The following NMB variants were observed in gnomAD, a reference collection of about 807,000 sequenced individuals.
NMB encodes neuromedin B, also known as neuromedin-B.
In NMB, 12 loss-of-function variants were observed where a neutral mutation model predicts 11.7. That is an observed-to-expected ratio of 1.03 (90% CI 0.66 to 1.66). The LOEUF is 1.66. Ranked by LOEUF, NMB falls within the 40% of genes most tolerant of loss-of-function variation. The pLI is 0.00. For synonymous variants in NMB, 76 were observed against 72.6 expected, an observed-to-expected ratio of 1.05 and a Z score of -0.24; for missense variants, 174 against 157.9, an observed-to-expected ratio of 1.10 and a Z score of -0.55.
chr15:84,657,364 C>G lies in NMB; in HGVS notation c.158-16G>C, dbSNP rs1415831386. The G allele has an allele frequency of 1.4e-6, 2 of 1,472,110 alleles. No homozygotes were observed. The highest frequency in any genetic ancestry group is 1.8e-6 in the Non-Finnish European group (2 of 1,110,578). 91.2% of individuals were successfully genotyped at this position (1,472,110 alleles called of 1,614,324 possible). Reference sequence around the variant, plus strand: ...ATGAAGTGACCTGGAAAGGAGGTGTCCAGGCACAAGGAAGTCAAGCAGCCA... The same window carrying G: ...ATGAAGTGACCTGGAAAGGAGGTGTGCAGGCACAAGGAAGTCAAGCAGCCA... On this transcript the variant is annotated splice_polypyrimidine_tract_variant and intron_variant, in intron 1 of 2. Coordinates refer to ENST00000360476, the MANE Select transcript of NMB (RefSeq NM_021077.4).
intron 2 of NMB, among the ~76,000 whole-genome samples, chr15:84,656,206 T>C (rs959577758): frequency 6.6e-6 from 1 of 152,108 alleles, no homozygotes; most frequent in African/African-American, 2.4e-5. Flanking sequence ...GTCATACAGC[T>C]ACTAAGTAGC....
In NMB at chr15:84,657,306, G is replaced by A. The variant is rs1046071729; in HGVS notation, c.200C>T (p.Ser67Phe). Reference protein sequence around the residue: ...GKKSLEPSSPSPLGTAPHTSL... With the variant: ...GKKSLEPSSPFPLGTAPHTSL... ...GGTGTGGGGAGCTGTCCCCAATGGG[G>A]ATGGGCTGGAAGGCTCCAGACTCTT... The change falls in exon 2 of 3, where the codon TCC becomes TTC. Residue 67 changes from serine to phenylalanine, a missense_variant. This residue lies in a region of NMB where 168 missense variants were observed against 138.4 expected (regional missense o/e 1.21). Coordinates refer to ENST00000360476, the MANE Select transcript of NMB (RefSeq NM_021077.4). 5 of 1,585,688 alleles carry A rather than the reference G, an allele frequency of 3.2e-6. No homozygotes were observed. Among genetic ancestry groups the A allele is most frequent in the East Asian group, 2.3e-5 (1 of 43,496 alleles).
chr15:84,656,851 G>T (rs768928513), intron 2 of NMB, among the ~76,000 whole-genome samples: 1 of 151,900 alleles, frequency 6.6e-6, no homozygotes, highest in Non-Finnish European at 1.5e-5. Context: ...TGTGTAGACT[G>T]GGGGAGAAAG....
intron 2 of NMB, 152 bp downstream of exon 2, chr15:84,657,024 C>T (rs1896790927): frequency 1.5e-6 from 1 of 666,170 alleles, no homozygotes; most frequent in Non-Finnish European, 2.3e-6. Context: ...GAGGGAAAAG[C>T]CTGGAAACCT....
intron 2 of NMB, 63 bp downstream of exon 2, chr15:84,657,113 A>T: frequency 6.7e-7 from 1 of 1,492,688 alleles, no homozygotes; most frequent in Admixed American, 2.1e-5. Flanking sequence ...AATTCCTCCC[A>T]TGCAGGATCC....
rs771981112 is a variant in NMB, at chr15:84,657,296, C to A, written c.210G>T (p.Gly70=). ...SLEPSSPSPL[G]TAPHTSLRDQ... Reference sequence around the variant, plus strand: ...CCCTCAGGGAGGTGTGGGGAGCTGTCCCCAATGGGGATGGGCTGGAAGGCT... The same window carrying A: ...CCCTCAGGGAGGTGTGGGGAGCTGTACCCAATGGGGATGGGCTGGAAGGCT... Residue 70 remains glycine (G), a synonymous_variant, in exon 2 of 3, where the codon GGG becomes GGT. Coordinates refer to ENST00000360476, the MANE Select transcript of NMB (RefSeq NM_021077.4). 3 of 1,594,134 alleles carry A rather than the reference C, an allele frequency of 1.9e-6. No individual in the cohort carries two copies. Among genetic ancestry groups the A allele is most frequent in the African/African-American group, 2.7e-5 (2 of 74,450 alleles).
Position 84,657,101 on chromosome 15 carries a change from G to A in NMB, c.330+75C>T, listed in dbSNP as rs2141853063. On this transcript the variant is annotated intron_variant, in intron 2 of 2. Transcript: ENST00000360476. ...TCACACCCTAATACAGTACTGGGTG[G>A]TAATTCCTCCCATGCAGGATCCGGG... The A allele has an allele frequency of 2.2e-6, 3 of 1,392,062 alleles. 1 individual carries two copies. The South Asian group carries it at 3.8e-5, about 18-fold the overall frequency. The allele number at this position is 1,392,062 out of a possible 1,614,324, so 86.2% of individuals were successfully genotyped here.
In NMB at chr15:84,655,368, T is replaced by C. The variant is rs201410488; in HGVS notation, c.*6A>G. ...CCACGCTGTTGTGTCTGCCCCATTA[T>C]TGGTGTCATTTCTGCAGTATTTGTA... On this transcript the variant is annotated 3_prime_UTR_variant, in exon 3 of 3. Coordinates refer to ENST00000360476, the MANE Select transcript of NMB (RefSeq NM_021077.4). 174 of 1,614,226 alleles carry C rather than the reference T, an allele frequency of 1.1e-4. 1 individual carries two copies. In the East Asian group the frequency reaches 2.4e-3, roughly 22 times the overall value.
At chr15:84,656,089 G>T (rs539764712) in intron 2 of NMB, among the ~76,000 whole-genome samples, 17 of 152,310 alleles carry the variant, frequency 1.1e-4, no homozygotes, top group Admixed American at 1.0e-3. Context: ...GCACCATGCT[G>T]AGCATTTGAC....
chr15:84,657,094 C>T lies in NMB; in HGVS notation c.330+82G>A, dbSNP rs1896791804. 9.2e-6 allele frequency: 12 copies of T among 1,305,398 alleles called. No homozygotes were observed. In the South Asian group the frequency reaches 1.6e-4, roughly 17 times the overall value. The allele number at this position is 1,305,398 out of a possible 1,614,324, so 80.9% of individuals were successfully genotyped here. On this transcript the variant is annotated intron_variant, in intron 2 of 2. Coordinates refer to ENST00000360476, the MANE Select transcript of NMB (RefSeq NM_021077.4). The stretch of plus-strand genomic sequence containing the variant: ...CAGACAGTCACACCCTAATACAGTA[C>T]TGGGTGGTAATTCCTCCCATGCAGG...
Position 84,657,197 on chromosome 15 carries a change from G to A in NMB, c.309C>T (p.Ser103=). The A allele has an allele frequency of 6.2e-7, 1 of 1,611,342 alleles. No individual in the cohort carries two copies. The highest frequency in any genetic ancestry group is 8.5e-7 in the Non-Finnish European group (1 of 1,179,126). ...TCACCTGGATTTGGGGTGCGGGGCG[G>A]CTGAGGCTCACGCCCAGAGCCTTCT... The part of the protein sequence containing the change: ...LLKKALGVSL[S]RPAPQIQYRR... The change falls in exon 2 of 3, where the codon AGC becomes AGT. Residue 103 remains serine (S), a synonymous_variant. Coordinates refer to ENST00000360476, the MANE Select transcript of NMB (RefSeq NM_021077.4).
At chr15:84,655,633 T>A (rs769919392) in intron 2 of NMB, among the ~76,000 whole-genome samples, 46 of 152,016 alleles carry the variant, frequency 3.0e-4, no homozygotes, top group Non-Finnish European at 2.1e-4. Context: ...TCAAAGAAGA[T>A]CGTGGAAGAA....
rs1272483054 is a variant in NMB, at chr15:84,655,316, A to C, written c.*58T>G. ...GGCCATCAACAGGGTCCCATTCAGC[A>C]CCTTCCCTGGGTGGGCACAATCTAA... On this transcript the variant is annotated 3_prime_UTR_variant, in exon 3 of 3. Transcript: ENST00000360476. The C allele has an allele frequency of 1.2e-6, 2 of 1,613,982 alleles. No individual in the cohort carries two copies. Among genetic ancestry groups the C allele is most frequent in the South Asian group, 2.2e-5 (2 of 91,080 alleles).
intron 2 of NMB, among the ~76,000 whole-genome samples, chr15:84,656,060 A>C: frequency 6.6e-6 from 1 of 152,188 alleles, no homozygotes; most frequent in South Asian, 2.1e-4. Context: ...GCATCTACTA[A>C]GGGCTGTCTA....
rs1247014532 is a variant in NMB, at chr15:84,655,346, C to T, written c.*28G>A. 1.9e-6 allele frequency: 3 copies of T among 1,614,058 alleles called. No homozygotes were observed. Among genetic ancestry groups the T allele is most frequent in the African/African-American group, 2.7e-5 (2 of 74,916 alleles). On this transcript the variant is annotated 3_prime_UTR_variant, in exon 3 of 3. Transcript: ENST00000360476. Reference sequence around the variant, plus strand: ...CCCTGGGTGGGCACAATCTAAGCCACGCTGTTGTGTCTGCCCCATTATTGG... The same window carrying T: ...CCCTGGGTGGGCACAATCTAAGCCATGCTGTTGTGTCTGCCCCATTATTGG...
chr15:84,655,139 A>C lies in NMB; in HGVS notation c.*235T>G. On this transcript the variant is annotated 3_prime_UTR_variant, in exon 3 of 3. Transcript: ENST00000360476. ...GGAGAGGACCAGGCATTGTATGTAA[A>C]GAGCAAGGTTTTATTCACCAATTCA... 8.9e-7 allele frequency: 1 copy of C among 1,128,078 alleles called. No homozygotes were observed. The highest frequency in any genetic ancestry group is 1.3e-6 in the Non-Finnish European group (1 of 794,266). 69.9% of individuals were successfully genotyped at this position (1,128,078 alleles called of 1,614,324 possible). A position where few individuals can be genotyped will look rare whatever the true frequency, so the allele number is the denominator to read the frequency against.
chr15:84,655,366 TATTGGTGTC>T lies in NMB; in HGVS notation c.365_*7del, dbSNP rs1411077307. On this transcript the variant is annotated stop_retained_variant and 3_prime_UTR_variant, in exon 3 of 3. Coordinates refer to ENST00000360476, the MANE Select transcript of NMB (RefSeq NM_021077.4). ...AGCCACGCTGTTGTGTCTGCCCCAT[TATTGGTGTC>T]ATTTCTGCAGTATTTGTACCAGCAG... 6.2e-7 allele frequency: 1 copy of T among 1,614,146 alleles called. No individual in the cohort carries two copies. The highest frequency in any genetic ancestry group is 8.5e-7 in the Non-Finnish European group (1 of 1,180,016).
Position 84,655,232 on chromosome 15 carries a change from G to T in NMB, c.*142C>A. On this transcript the variant is annotated 3_prime_UTR_variant, in exon 3 of 3. Transcript: ENST00000360476. ...CATCAGCGATATTTCTGGTGACCCA[G>T]CCAGAAATCACAGTAATGGAGTAAC... 1 of 1,545,878 alleles carries T rather than the reference G, an allele frequency of 6.5e-7. No individual in the cohort carries two copies. Among genetic ancestry groups the T allele is most frequent in the Non-Finnish European group, 8.7e-7 (1 of 1,144,494 alleles).
At position 84,655,369 on chromosome 15, in the gene NMB, TGG is replaced by T. The variant is rs1896761802; in HGVS notation, c.*3_*4del. 2 of 1,614,074 alleles carry T rather than the reference TGG, an allele frequency of 1.2e-6. No homozygotes were observed. Among genetic ancestry groups the T allele is most frequent in the Non-Finnish European group, 1.7e-6 (2 of 1,180,038 alleles). On this transcript the variant is annotated 3_prime_UTR_variant, in exon 3 of 3. Transcript: ENST00000360476. ...CACGCTGTTGTGTCTGCCCCATTAT[TGG>T]TGTCATTTCTGCAGTATTTGTACCA...
Sources: allele counts gnomAD v4.1 joint callset (sites outside exome capture counted in the v4.1 genomes callset), GRCh38; gene constraint gnomAD v4.1.1; regional missense constraint gnomAD v4.1.1; transcripts MANE v1.5; gene names NCBI Gene and HGNC (gene_info 2026-07-23, HGNC 2026-07-21).